Variants in MCC observed in about 807,000 individuals in gnomAD.
MCC encodes the protein MCC regulator of Wnt signaling pathway.
Under a neutral mutation model 116.2 loss-of-function variants are expected in MCC, and 90 were observed. That is an observed-to-expected ratio of 0.77 (90% CI 0.65 to 0.92). The LOEUF is 0.92. Ranked by LOEUF, MCC falls within the 40% of genes least tolerant of loss-of-function variation. MCC has a pLI of 0.00. For synonymous variants in MCC, 578 were observed against 510.5 expected (o/e 1.13, Z -1.78); for missense variants, 1,516 against 1,312.2 (o/e 1.16, Z -2.40).
chr5:113,083,998 G>A, intron 10 of MCC, 103 bp downstream of exon 10: 1 of 830,406 alleles, frequency 1.2e-6, no homozygotes, highest in East Asian at 2.5e-5. Context: ...ATAACTAACT[G>A]GTTTATTGGA....
At chr5:113,179,155 T>C (rs1053523575) in intron 3 of MCC, among the ~76,000 whole-genome samples, 4 of 152,198 alleles carry the variant, frequency 2.6e-5, no homozygotes, top group Admixed American at 1.3e-4. Flanking sequence ...TCCCTGTAAA[T>C]CCATGTAATG....
intron 8 of MCC, among the ~76,000 whole-genome samples, chr5:113,090,395 G>C (rs1755524590): frequency 6.6e-6 from 1 of 151,270 alleles, no homozygotes; most frequent in African/African-American, 2.4e-5. Context: ...AGCACTGACA[G>C]CTCAGTTGAG....
chr5:113,201,870 G>A (rs1375893412), intron 3 of MCC, among the ~76,000 whole-genome samples: 1 of 152,154 alleles, frequency 6.6e-6, no homozygotes, highest in East Asian at 1.9e-4. Context: ...AGCCAGGAAT[G>A]AAGTGGTTTC....
chr5:113,481,637 G>A (rs1169976029), intron 1 of MCC, among the ~76,000 whole-genome samples: 1 of 152,138 alleles, frequency 6.6e-6, no homozygotes, highest in Non-Finnish European at 1.5e-5. Context: ...TACTCAGGAG[G>A]CTGAGGCAGA....
chr5:113,423,221 C>T (rs531151521), intron 1 of MCC, among the ~76,000 whole-genome samples: 1 of 152,134 alleles, frequency 6.6e-6, no homozygotes, highest in Non-Finnish European at 1.5e-5. Flanking sequence ...TCTAAAGTGG[C>T]CCCCAAGCAC....
chr5:113,433,356 C>T (rs946048135), intron 1 of MCC: 15 of 413,488 alleles, frequency 3.6e-5, no homozygotes, highest in Admixed American at 9.5e-5. Context: ...GCCCCGGGGA[C>T]GATGAAAGGA....
At chr5:113,315,570 A>T (rs1012382802) in intron 3 of MCC, among the ~76,000 whole-genome samples, 14 of 151,932 alleles carry the variant, frequency 9.2e-5, no homozygotes, top group South Asian at 4.2e-4. Flanking sequence ...GCTCCTTTTT[A>T]AAAAAAATGA....
intron 4 of MCC, among the ~76,000 whole-genome samples, chr5:113,143,745 G>C (rs1759330595): frequency 6.6e-6 from 1 of 152,198 alleles, no homozygotes; most frequent in Admixed American, 6.5e-5. Context: ...ATGTAAGGTT[G>C]CATGGAGTTG....
At chr5:113,197,267 A>AT (rs552289961) in intron 3 of MCC, among the ~76,000 whole-genome samples, 4 of 151,552 alleles carry the variant, frequency 2.6e-5, no homozygotes, top group South Asian at 2.1e-4. Context: ...CAGACCCCCA[A>AT]TTTTTTTTTA....
At chr5:113,115,535 T>C (rs1208394669) in intron 6 of MCC, among the ~76,000 whole-genome samples, 1 of 152,096 alleles carries the variant, frequency 6.6e-6, no homozygotes, top group Non-Finnish European at 1.5e-5. Flanking sequence ...TAACCTAACA[T>C]CAACTCCAGG....
intron 8 of MCC, among the ~76,000 whole-genome samples, chr5:113,093,922 A>T (rs189049675): frequency 4.1e-4 from 63 of 152,304 alleles, no homozygotes; most frequent in African/African-American, 1.5e-3. Context: ...GTAATTCATA[A>T]TTTCACTGTG....
chr5:113,417,044 A>T (rs917364733), intron 1 of MCC, among the ~76,000 whole-genome samples: 3 of 140,662 alleles, frequency 2.1e-5, no homozygotes, highest in Admixed American at 1.6e-4. Flanking sequence ...ATCTCGGCTC[A>T]CTGCAACCTA....
chr5:113,176,536 G>A (rs1033178554), intron 3 of MCC, among the ~76,000 whole-genome samples: 1 of 152,204 alleles, frequency 6.6e-6, no homozygotes, highest in Non-Finnish European at 1.5e-5. Flanking sequence ...CGGCTCCCTT[G>A]TGCTCCAGGC....
intron 3 of MCC, among the ~76,000 whole-genome samples, chr5:113,215,476 TG>T (rs1390196737): frequency 2.0e-5 from 3 of 151,788 alleles, no homozygotes; most frequent in Admixed American, 6.6e-5. Flanking sequence ...TGGTTAAGGG[TG>T]GGGGTTGGTC....
At chr5:113,101,172 C>T (rs1009761248) in intron 8 of MCC, among the ~76,000 whole-genome samples, 1 of 152,086 alleles carries the variant, frequency 6.6e-6, no homozygotes, top group African/African-American at 2.4e-5. Context: ...CATCTGTAAA[C>T]ACAGAGACAC....
chr5:113,156,604 G>T (rs116762625), intron 3 of MCC, among the ~76,000 whole-genome samples: 5,737 of 152,304 alleles, frequency 0.038, 148 homozygotes, highest in Non-Finnish European at 0.058. Context: ...GACAGCCAGG[G>T]CTCTTAGTTC....
At chr5:113,405,769 TCC>T (rs1769815065) in intron 1 of MCC, among the ~76,000 whole-genome samples, 1 of 151,304 alleles carries the variant, frequency 6.6e-6, no homozygotes, top group Non-Finnish European at 1.5e-5. Context: ...ATGGCACCAC[TCC>T]ACTCCAGCCT....
intron 3 of MCC, among the ~76,000 whole-genome samples, chr5:113,239,015 A>G (rs758136645): frequency 1.6e-4 from 24 of 152,220 alleles, no homozygotes; most frequent in Non-Finnish European, 3.1e-4. Flanking sequence ...ATATTCATGC[A>G]TATGTTTTTT....
intron 1 of MCC, among the ~76,000 whole-genome samples, chr5:113,466,736 C>T (rs1187637256): frequency 6.6e-6 from 1 of 152,104 alleles, no homozygotes; most frequent in Non-Finnish European, 1.5e-5. Context: ...ATTTCTAGTT[C>T]TAGATCCCTG....
Sources: gnomAD v4.1 joint callset for allele counts (sites outside exome capture counted in the v4.1 genomes callset) on GRCh38, gnomAD v4.1.1 for gene constraint, MANE v1.5 for transcripts, NCBI Gene and HGNC (gene_info 2026-07-23, HGNC 2026-07-21) for gene names.